The following ANO4 variants were observed in gnomAD, a reference collection of about 807,000 sequenced individuals.
ANO4 encodes anoctamin-4.
In ANO4, 69 loss-of-function variants were observed where a neutral mutation model predicts 141.9. The observed-to-expected ratio is 0.49, with a 90% CI of 0.40 to 0.59. The LOEUF (loss-of-function observed/expected upper bound fraction) is 0.59. Ranked by LOEUF, ANO4 falls within the 20% of genes least tolerant of loss-of-function variation. The pLI, the probability that ANO4 is intolerant of heterozygous loss-of-function variation, is 0.00. For synonymous variants in ANO4, 350 were observed against 394.3 expected (o/e 0.89, Z 1.33); for missense variants, 894 against 1,162.2 (o/e 0.77, Z 3.36).
chr12:100,724,732 T>C (rs1000402730), intron 1 of ANO4, among the ~76,000 whole-genome samples: 3 of 152,254 alleles, frequency 2.0e-5, no homozygotes, highest in African/African-American at 7.2e-5. Flanking sequence ...TGGATGAATT[T>C]CAGTCACAAC....
chr12:101,075,159 G>C (rs1167519638), intron 14 of ANO4, among the ~76,000 whole-genome samples: 1 of 152,178 alleles, frequency 6.6e-6, no homozygotes, highest in Non-Finnish European at 1.5e-5. Context: ...GAGTTGACCA[G>C]ATGGACCCAA....
chr12:100,745,287 C>T (rs2135482015), intron 3 of ANO4, among the ~76,000 whole-genome samples: 1 of 152,308 alleles, frequency 6.6e-6, no homozygotes, highest in Admixed American at 6.5e-5. Context: ...ATTCTTCAAA[C>T]TCAATTAAGA....
In ANO4 at chr12:100,785,783, G is replaced by A. The variant is rs142791155; in HGVS notation, c.358+45678G>A. ...TACCAAGGAGTATGATTGCTGGATC[G>A]TAAGGTAAGAGTATGTTTAGTTTTG... On this transcript the variant is annotated intron_variant, in intron 3 of 29. Coordinates refer to the ANO4 transcript ENST00000644049. Among the ~76,000 whole-genome samples the A allele has an allele frequency of 2.2e-3, 332 of 152,266 alleles. 2 individuals carry two copies. The highest frequency in any genetic ancestry group is 7.4e-3 in the African/African-American group (307 of 41,552).
chr12:101,101,136 A>G (rs1349025052), intron 22 of ANO4, among the ~76,000 whole-genome samples: 1 of 152,222 alleles, frequency 6.6e-6, no homozygotes, highest in Non-Finnish European at 1.5e-5. Context: ...CCAGTGAGCT[A>G]GATCAAGAAA....
intron 22 of ANO4, among the ~76,000 whole-genome samples, chr12:101,103,351 T>G (rs1237799762): frequency 1.3e-5 from 2 of 150,870 alleles, no homozygotes; most frequent in African/African-American, 2.4e-5. Flanking sequence ...CCATTAAGTG[T>G]GGTGCTAGCT....
chr12:100,780,555 C>T (rs899092180), intron 3 of ANO4, among the ~76,000 whole-genome samples: 1 of 152,212 alleles, frequency 6.6e-6, no homozygotes, highest in Non-Finnish European at 1.5e-5. Flanking sequence ...CATTTGTAAA[C>T]TGTCATGGCA....
At chr12:100,724,932 G>A (rs1419170194) in intron 1 of ANO4, among the ~76,000 whole-genome samples, 1 of 151,954 alleles carries the variant, frequency 6.6e-6, no homozygotes, top group East Asian at 1.9e-4. Context: ...CTTACTAGTC[G>A]GTTCTTTAGA....
At chr12:100,863,956 G>A (rs1053417272) in intron 1 of ANO4, among the ~76,000 whole-genome samples, 16 of 152,232 alleles carry the variant, frequency 1.1e-4, no homozygotes, top group Admixed American at 9.2e-4. Context: ...CTTCAGGCAC[G>A]GTTTGATCCA....
intron 2 of ANO4, among the ~76,000 whole-genome samples, chr12:100,734,195 A>G (rs996202967): frequency 6.6e-6 from 1 of 152,244 alleles, no homozygotes; most frequent in Admixed American, 6.5e-5. Context: ...AAAGATTTAT[A>G]TTAATCTATT....
At chr12:100,910,476 T>C (rs2041053845) in intron 2 of ANO4, among the ~76,000 whole-genome samples, 1 of 152,166 alleles carries the variant, frequency 6.6e-6, no homozygotes, top group African/African-American at 2.4e-5. Context: ...ATCAATTTCA[T>C]TTTGACCTTA....
At chr12:100,945,741 C>T (rs1217238875) in intron 5 of ANO4, among the ~76,000 whole-genome samples, 1 of 152,176 alleles carries the variant, frequency 6.6e-6, no homozygotes. Flanking sequence ...GCTTCAGAAT[C>T]ATGTGAAACA....
chr12:100,922,298 A>T lies in ANO4; in HGVS notation c.128A>T (p.Asp43Val). The change falls in exon 3 of 28, where the codon GAC becomes GTC. Residue 43 changes from aspartate to valine, a missense_variant. By Grantham distance (152) the Asp-to-Val change is radical (BLOSUM62 -3). Around this residue, in one of 2 missense-constraint regions of ANO4, gnomAD observed 257 missense variants for 253.0 expected, o/e 1.02. Coordinates refer to ENST00000392977, the MANE Select transcript of ANO4 (RefSeq NM_001286615.2). Reference sequence around the variant, plus strand: ...CCTGACGGGCCAAAGAGTGATGTGGACTTTTCAGAGATTCTTAATGCAATA... The same window carrying T: ...CCTGACGGGCCAAAGAGTGATGTGGTCTTTTCAGAGATTCTTAATGCAATA... The part of the protein sequence containing the change: ...ILPDGPKSDV[D>V]FSEILNAIQE... 6.5e-7 allele frequency: 1 copy of T among 1,532,270 alleles called. No individual in the cohort carries two copies. The allele number at this position is 1,532,270 out of a possible 1,614,324, so 94.9% of individuals were successfully genotyped here.
intron 2 of ANO4, among the ~76,000 whole-genome samples, chr12:100,920,438 T>G (rs951142986): frequency 6.8e-6 from 1 of 146,468 alleles, no homozygotes; most frequent in Admixed American, 7.0e-5. Flanking sequence ...CTGTCATTGT[T>G]GTAATTATGA....
chr12:101,054,486 T>A (rs750277616), intron 14 of ANO4, among the ~76,000 whole-genome samples: 2 of 152,178 alleles, frequency 1.3e-5, no homozygotes, highest in Admixed American at 6.5e-5. Context: ...ACCATAATGA[T>A]GATATATAAG....
At chr12:100,794,079 C>T (rs917711343), upstream of ANO4, among the ~76,000 whole-genome samples, 1 of 152,128 alleles carries the variant, frequency 6.6e-6, no homozygotes, top group African/African-American at 2.4e-5. Context: ...ATTTCTATAC[C>T]TATATTATAC....
intron 1 of ANO4, among the ~76,000 whole-genome samples, chr12:100,797,291 T>TG (rs58112513): frequency 6.6e-6 from 1 of 151,540 alleles, no homozygotes; most frequent in East Asian, 1.9e-4. Flanking sequence ...TTTTTTTTTT[T>TG]GGTAAGGATT....
chr12:100,838,524 G>C (rs934764652), intron 1 of ANO4, among the ~76,000 whole-genome samples: 1 of 152,188 alleles, frequency 6.6e-6, no homozygotes, highest in Admixed American at 6.5e-5. Flanking sequence ...AAGGGAAAGA[G>C]ATTACAGCTG....
At chr12:101,033,764 G>C (rs1213531427) in intron 9 of ANO4, among the ~76,000 whole-genome samples, 2 of 152,168 alleles carry the variant, frequency 1.3e-5, no homozygotes, top group Non-Finnish European at 2.9e-5. Flanking sequence ...CGAATATCCA[G>C]AATTTACAAG....
At chr12:100,912,417 G>GAAAAAAAA (rs10641222) in intron 2 of ANO4, among the ~76,000 whole-genome samples, 35 of 120,956 alleles carry the variant, frequency 2.9e-4, no homozygotes, top group Non-Finnish European at 3.7e-4. Flanking sequence ...AAAGAAAAAA[G>GAAAAAAAA]AAAAAAAAAA....
Sources: allele counts gnomAD v4.1 joint callset (sites outside exome capture counted in the v4.1 genomes callset), GRCh38; gene constraint gnomAD v4.1.1; regional missense constraint gnomAD v4.1.1; transcripts MANE v1.5; gene names NCBI Gene and HGNC (gene_info 2026-07-23, HGNC 2026-07-21).